The following KSR1 variants were observed in gnomAD, a reference collection of about 807,000 sequenced individuals.
KSR1 encodes the protein kinase suppressor of ras.
KSR1 carries 35 observed loss-of-function variants against 92.9 expected under a neutral mutation model. The ratio of observed to expected loss-of-function variants is 0.38; its 90% CI spans 0.29 to 0.50. The LOEUF is 0.50. KSR1 is among the 20% of genes least tolerant of loss of function. The pLI is 0.94. For missense variants in KSR1, 972 were observed against 1,158.5 expected (o/e 0.84, Z 2.34); for synonymous variants, 467 against 472.6 (o/e 0.99, Z 0.15).
At chr17:27,620,318 C>T (rs2074189458) in intron 19 of KSR1, among the ~76,000 whole-genome samples, 2 of 152,192 alleles carry the variant, frequency 1.3e-5, no homozygotes, top group East Asian at 3.9e-4. Context: ...ACACCTGCCG[C>T]ATTGCTACAC....
chr17:27,585,433 C>G (rs2072929257), intron 4 of KSR1, among the ~76,000 whole-genome samples: 1 of 152,184 alleles, frequency 6.6e-6, no homozygotes, highest in African/African-American at 2.4e-5. Context: ...TTAGATGTCC[C>G]CTGGGGAGGC....
intron 1 of KSR1, among the ~76,000 whole-genome samples, chr17:27,473,633 A>C (rs1421224091): frequency 6.6e-6 from 1 of 152,164 alleles, no homozygotes; most frequent in Non-Finnish European, 1.5e-5. Flanking sequence ...AAGGCAACAT[A>C]GCAGGTAGTG....
chr17:27,570,583 T>C (rs2072266918), intron 2 of KSR1, among the ~76,000 whole-genome samples: 1 of 152,194 alleles, frequency 6.6e-6, no homozygotes, highest in African/African-American at 2.4e-5. Flanking sequence ...ATCCTGAAGG[T>C]TCCAGTTCAA....
Position 27,617,325 on chromosome 17 carries a change from C to G in KSR1, c.2524C>G (p.Leu842Val). ...CCTGTCGGCCTGCTGGGCTTTCGAC[C>G]TGCAGGAGAGACCCAGCTTCAGCCT... ...EILSACWAFDLQERPSFSLLM... is the reference protein window; with the variant it reads ...EILSACWAFDVQERPSFSLLM... Residue 842 changes from leucine to valine, a missense_variant, in exon 19 of 21, where the codon CTG becomes GTG. Around this residue, in one of 5 missense-constraint regions of KSR1, gnomAD observed 260 missense variants for 375.2 expected, o/e 0.69. Coordinates refer to ENST00000644974, the MANE Select transcript of KSR1 (RefSeq NM_001394583.1). The G allele has an allele frequency of 6.2e-7, 1 of 1,611,812 alleles. No homozygotes were observed. The highest frequency in any genetic ancestry group is 1.1e-5 in the South Asian group (1 of 90,698).
intron 1 of KSR1, among the ~76,000 whole-genome samples, chr17:27,490,912 T>C (rs2068802919): frequency 6.6e-6 from 1 of 152,150 alleles, no homozygotes; most frequent in Non-Finnish European, 1.5e-5. Flanking sequence ...GCTGAGTCAA[T>C]TTTGAACTTG....
intron 1 of KSR1, among the ~76,000 whole-genome samples, chr17:27,548,086 C>G (rs1380331784): frequency 1.3e-5 from 2 of 151,410 alleles, no homozygotes; most frequent in Admixed American, 1.3e-4. Context: ...CGAAGTGTGT[C>G]GTTTTATACA....
chr17:27,473,190 T>G (rs570114595), intron 1 of KSR1, among the ~76,000 whole-genome samples: 2 of 152,360 alleles, frequency 1.3e-5, no homozygotes, highest in South Asian at 4.1e-4. Flanking sequence ...CAGTAACTGG[T>G]GGAGCTGAAT....
chr17:27,560,778 C>T lies in KSR1; in HGVS notation c.372+10070C>T, dbSNP rs971532149. The stretch of plus-strand genomic sequence containing the variant: ...CTCTCCTTCCCACCCCTCCTCCTGT[C>T]GGCCCCATACTCTCTCTTTGAGAGC... On this transcript the variant is annotated intron_variant, in intron 2 of 20. Coordinates refer to ENST00000644974, the MANE Select transcript of KSR1 (RefSeq NM_001394583.1). Among the ~76,000 whole-genome samples, 6 of 152,178 alleles carry T rather than the reference C, an allele frequency of 3.9e-5. No individual in the cohort carries two copies. The South Asian group carries it at 6.2e-4, about 16-fold the overall frequency.
intron 1 of KSR1, among the ~76,000 whole-genome samples, chr17:27,481,958 G>C (rs1221544851): frequency 6.6e-6 from 1 of 152,188 alleles, no homozygotes; most frequent in Non-Finnish European, 1.5e-5. Context: ...TGTGTTCATT[G>C]ATTGGACTCT....
Position 27,559,403 on chromosome 17 carries a change from C to T in KSR1, c.372+8695C>T, listed in dbSNP as rs148714949. On this transcript the variant is annotated intron_variant, in intron 2 of 20. Coordinates refer to ENST00000644974, the MANE Select transcript of KSR1 (RefSeq NM_001394583.1). This position sits in a 1 kb window ranked among gnomAD's most constrained non-coding sequence, Gnocchi z 4.2. ...ACCACTAGATCTTCATCTAGAGCAG[C>T]GCTGTTCAAAACCTTCTGTATTGTC... Among the ~76,000 whole-genome samples the T allele has an allele frequency of 1.7e-4, 26 of 152,358 alleles. No homozygotes were observed. The highest frequency in any genetic ancestry group is 3.4e-3 in the Middle Eastern group (1 of 294).
intron 1 of KSR1, among the ~76,000 whole-genome samples, chr17:27,538,197 A>C (rs866022314): frequency 6.6e-6 from 1 of 152,206 alleles, no homozygotes; most frequent in Non-Finnish European, 1.5e-5. Flanking sequence ...ACTTAATAGA[A>C]CTACTTTTGG....
chr17:27,531,985 G>C (rs1489860590), intron 1 of KSR1, among the ~76,000 whole-genome samples: 1 of 152,230 alleles, frequency 6.6e-6, no homozygotes, highest in East Asian at 1.9e-4. Flanking sequence ...ATGGGGGAAA[G>C]AGTGCTGGAC....
At chr17:27,501,280 A>ATTTTTTTTTTTAT (rs1567768215) in intron 1 of KSR1, among the ~76,000 whole-genome samples, 1 of 60,726 alleles carries the variant, frequency 1.6e-5, no homozygotes, top group African/African-American at 6.3e-5. Context: ...TTTTTTTTTA[A>ATTTTTTTTTTTAT]TTTCTTTTCT....
intron 3 of KSR1, among the ~76,000 whole-genome samples, chr17:27,582,185 C>G (rs2072786767): frequency 6.6e-6 from 1 of 152,146 alleles, no homozygotes; most frequent in Non-Finnish European, 1.5e-5. Context: ...GCTTCCTCCT[C>G]TGTAAAACAG....
At chr17:27,490,720 G>T (rs897290030) in intron 1 of KSR1, among the ~76,000 whole-genome samples, 1 of 152,214 alleles carries the variant, frequency 6.6e-6, no homozygotes, top group Non-Finnish European at 1.5e-5. Flanking sequence ...TTAGGCAGCT[G>T]ACCCCTGTAA....
At chr17:27,622,199 G>A in intron 20 of KSR1, 1 of 537,678 alleles carries the variant, frequency 1.9e-6, no homozygotes, top group South Asian at 2.2e-5. Flanking sequence ...AGTCTGGGCA[G>A]CTTCTAACTA....
intron 2 of KSR1, among the ~76,000 whole-genome samples, chr17:27,571,466 C>T (rs924360391): frequency 2.0e-5 from 3 of 151,108 alleles, no homozygotes; most frequent in Admixed American, 2.0e-4. Flanking sequence ...ACTTGCTCCT[C>T]TCTCTCTCTC....
At chr17:27,597,711 T>C (rs1394259299) in intron 10 of KSR1, among the ~76,000 whole-genome samples, 1 of 152,112 alleles carries the variant, frequency 6.6e-6, no homozygotes, top group Non-Finnish European at 1.5e-5. Context: ...CTGTCTGACA[T>C]AACATAATCC....
intron 11 of KSR1, chr17:27,601,843 T>A: frequency 1.4e-6 from 2 of 1,380,942 alleles, no homozygotes; most frequent in Non-Finnish European, 2.0e-6. Flanking sequence ...TTTGGGAAGG[T>A]CTGCGGGCTT....
Sources: gnomAD v4.1 joint callset for allele counts (sites outside exome capture counted in the v4.1 genomes callset) on GRCh38, gnomAD v4.1.1 for gene constraint, gnomAD v4.1.1 regional missense constraint, Gnocchi (gnomAD v3.1) non-coding constraint, MANE v1.5 for transcripts, NCBI Gene and HGNC (gene_info 2026-07-23, HGNC 2026-07-21) for gene names.